The following DDX3Y variants were observed in gnomAD, a reference collection of about 807,000 sequenced individuals.
The protein encoded by DDX3Y is DEAD-box helicase 3 Y-linked.
A neutral mutation model predicts 15.1 loss-of-function variants in DDX3Y; 2 were observed. The observed-to-expected ratio is 0.13, with a 90% confidence interval of 0.05 to 0.42. DDX3Y has a LOEUF of 0.42. DDX3Y is among the 10% of genes least tolerant of loss of function. DDX3Y has a pLI of 0.99. For synonymous variants in DDX3Y, 47 were observed against 45.0 expected (o/e 1.04, Z -0.18); for missense variants, 81 against 149.9 (o/e 0.54, Z 2.40).
At chrY:12,906,389 C>T in intron 1 of DDX3Y, among the ~76,000 whole-genome samples, 1 of 33,565 alleles carries the variant, frequency 3.0e-5, no homozygotes, top group African/African-American at 1.2e-4. Flanking sequence ...GTATTAACGC[C>T]TGCAGTTTAC....
intron 1 of DDX3Y, chrY:12,905,892 T>C (rs13304841): frequency 1.2e-5 from 2 of 163,826 alleles, no homozygotes; most frequent in Non-Finnish European, 2.1e-5. Context: ...AGCTGTGCGG[T>C]TTTTATATGG....
intron 2 of DDX3Y, among the ~76,000 whole-genome samples, chrY:12,908,513 G>C (rs774590651): frequency 2.9e-5 from 1 of 34,189 alleles, no homozygotes; most frequent in African/African-American, 1.1e-4. Flanking sequence ...TTGGATTTTT[G>C]AGTTACAAAA....
intron 3 of DDX3Y, among the ~76,000 whole-genome samples, chrY:12,911,066 C>G: frequency 3.1e-5 from 1 of 31,907 alleles, no homozygotes; most frequent in African/African-American, 1.2e-4. Flanking sequence ...GTGCCCGCCA[C>G]CATGCCCAGC....
At position 12,907,613 on chromosome Y, in the gene DDX3Y, A is replaced by T; in HGVS notation, c.103+19A>T. The T allele has an allele frequency of 3.1e-6, 1 of 327,374 alleles. No homozygotes were observed. Among genetic ancestry groups the T allele is most frequent in the Non-Finnish European group, 4.4e-6 (1 of 229,441 alleles). The allele number at this position is 327,374 out of a possible 400,897, so 81.7% of individuals were successfully genotyped here. A position where few individuals can be genotyped will look rare whatever the true frequency, so the allele number is the denominator to read the frequency against. On this transcript the variant is annotated intron_variant, in intron 2 of 16. Coordinates refer to ENST00000336079, the MANE Select transcript of DDX3Y (RefSeq NM_004660.5). ...GCGAGCAGTAAGTAAAACTTTTTTT[A>T]AAAATGGAGTGTTTATCAGAGCTTA...
chrY:12,914,526 TA>T, intron 7 of DDX3Y, 37 bp from the exon 8 acceptor site: 1 of 310,206 alleles, frequency 3.2e-6, no homozygotes, highest in Non-Finnish European at 4.9e-6. Context: ...TGTCATCTGT[TA>T]ATATTCAGAA....
intron 2 of DDX3Y, 32 bp downstream of exon 2, chrY:12,907,626 T>C: frequency 7.7e-6 from 2 of 260,865 alleles, no homozygotes; most frequent in Non-Finnish European, 1.2e-5. Flanking sequence ...AATGGAGTGT[T>C]TATCAGAGCT....
intron 1 of DDX3Y, among the ~76,000 whole-genome samples, 161 bp downstream of exon 1, chrY:12,905,142 A>G: frequency 2.9e-5 from 1 of 34,042 alleles, no homozygotes; most frequent in Non-Finnish European, 7.3e-5. Flanking sequence ...GCATGAGACC[A>G]TGACAAGACC....
chrY:12,918,738 C>T lies in DDX3Y; in HGVS notation c.*616C>T. 1 of 33,441 alleles carries T rather than the reference C, an allele frequency of 3.0e-5. No homozygotes were observed. The highest frequency in any genetic ancestry group is 7.4e-5 in the Non-Finnish European group (1 of 13,564). 8.3% of individuals were successfully genotyped at this position (33,441 alleles called of 400,897 possible). On this transcript the variant is annotated 3_prime_UTR_variant, in exon 17 of 17. Coordinates refer to ENST00000336079, the MANE Select transcript of DDX3Y (RefSeq NM_004660.5). ...TTACTAAATTAAGTTCTGACTTGCT[C>T]ACTCTATCCTGGATAGGCACTTGGG...
At chrY:12,908,287 G>A in intron 2 of DDX3Y, among the ~76,000 whole-genome samples, 1 of 33,970 alleles carries the variant, frequency 2.9e-5, no homozygotes, top group Non-Finnish European at 7.3e-5. Flanking sequence ...AAGGCTGGTG[G>A]TTATTCAGTA....
Position 12,904,927 on chromosome Y carries a change from C to T in DDX3Y, c.-10C>T. 2.5e-6 allele frequency: 1 copy of T among 398,886 alleles called. No individual in the cohort carries two copies. The highest frequency in any genetic ancestry group is 5.9e-4 in the Middle Eastern group (1 of 1,697). Reference sequence around the variant, plus strand: ...CAGTGGACTACCCGATTTTTCGCTTCTCTTCAGGGATGAGTCATGTGGTGG... The same window carrying T: ...CAGTGGACTACCCGATTTTTCGCTTTTCTTCAGGGATGAGTCATGTGGTGG... On this transcript the variant is annotated 5_prime_UTR_variant, in exon 1 of 17. Transcript: ENST00000336079.
chrY:12,916,501 G>A lies in DDX3Y; in HGVS notation c.1492-16G>A. 2.6e-6 allele frequency: 1 copy of A among 390,617 alleles called. No individual in the cohort carries two copies. The highest frequency in any genetic ancestry group is 3.1e-5 in the South Asian group (1 of 32,494). On this transcript the variant is annotated splice_polypyrimidine_tract_variant and intron_variant, in intron 13 of 16. Transcript: ENST00000336079. ...TGGATAGTGCTTTTTTTTTTTAAAA[G>A]AAGTTAATTTTTCAGGTGGCAGCAC... is the stretch of plus-strand genomic sequence containing the variant.
Position 12,915,715 on chromosome Y carries a change from C to G in DDX3Y, c.1105C>G (p.Pro369Ala). The change falls in exon 11 of 17, where the codon CCA (proline) becomes GCA (alanine). Residue 369 changes from proline (P) to alanine (A), a missense_variant. Transcript: ENST00000336079. ...IRRIVEQDTM[P>A]PKGVRHTMMF... The stretch of plus-strand genomic sequence containing the variant: ...TCGTATAGTTGAACAAGATACTATG[C>G]CACCAAAGGGCGTTCGTCACACCAT... The G allele has an allele frequency of 2.5e-6, 1 of 398,242 alleles. No individual in the cohort carries two copies. The highest frequency in any genetic ancestry group is 3.5e-6 in the Non-Finnish European group (1 of 283,115).
chrY:12,916,824 C>G (rs2053649732), intron 14 of DDX3Y, 83 bp from the exon 15 acceptor site: 19 of 266,239 alleles, frequency 7.1e-5, no homozygotes, highest in Non-Finnish European at 1.0e-4. Flanking sequence ...ATTTTAGTTT[C>G]TTTCTTACTA....
chrY:12,917,438 A>G lies in DDX3Y; in HGVS notation c.1799A>G (p.Tyr600Cys). 2.5e-6 allele frequency: 1 copy of G among 398,806 alleles called. No individual in the cohort carries two copies. The highest frequency in any genetic ancestry group is 3.5e-6 in the Non-Finnish European group (1 of 283,414). Residue 600 changes from tyrosine to cysteine, a missense_variant, in exon 16 of 17, where the codon TAT becomes TGT. By Grantham distance (194) the Tyr-to-Cys change is radical. Coordinates refer to ENST00000336079, the MANE Select transcript of DDX3Y (RefSeq NM_004660.5). ...AGTGGAGGATTTGGTGCCAGAGACT[A>G]TCGACAAAGTAGTGGTTCCAGCAGT... ...RFSGGFGARD[Y>C]RQSSGSSSSG...
chrY:12,918,279 A>G lies in DDX3Y; in HGVS notation c.*157A>G. On this transcript the variant is annotated 3_prime_UTR_variant, in exon 17 of 17. Coordinates refer to ENST00000336079, the MANE Select transcript of DDX3Y (RefSeq NM_004660.5). ...GGAGCTCAAAGTCACAAGAAGAAAA[A>G]TGAAAGGAAAAAACAGCAGCCCTAT... 8.7e-6 allele frequency: 1 copy of G among 115,574 alleles called. No individual in the cohort carries two copies. The highest frequency in any genetic ancestry group is 1.6e-5 in the Non-Finnish European group (1 of 61,838). The allele number at this position is 115,574 out of a possible 400,897, so 28.8% of individuals were successfully genotyped here. A position where few individuals can be genotyped will look rare whatever the true frequency, so the allele number is the denominator to read the frequency against.
chrY:12,906,876 T>TA (rs2053613653), intron 1 of DDX3Y, among the ~76,000 whole-genome samples: 1 of 32,290 alleles, frequency 3.1e-5, no homozygotes, highest in Non-Finnish European at 7.5e-5. Context: ...TTTAGAAACA[T>TA]TAAATACGAG....
chrY:12,905,911 C>T, intron 1 of DDX3Y: 1 of 126,535 alleles, frequency 7.9e-6, no homozygotes, highest in Non-Finnish European at 1.5e-5. Flanking sequence ...GGTATTGTAT[C>T]TTTACTTTAG....
At position 12,915,058 on chromosome Y, in the gene DDX3Y, T is replaced by G. The variant is rs760819163; in HGVS notation, c.859-9T>G. On this transcript the variant is annotated splice_polypyrimidine_tract_variant and intron_variant, in intron 9 of 16. Transcript: ENST00000336079. ...TTGTTATAGTCACTGACATGTTCTT[T>G]GCTTAAAGTTTTCCTACCGATCTAG... 7.5e-6 allele frequency: 3 copies of G among 398,654 alleles called. No individual in the cohort carries two copies. In the South Asian group the frequency reaches 8.9e-5, roughly 12 times the overall value.
At position 12,914,732 on chromosome Y, in the gene DDX3Y, T is replaced by TA. The variant is rs2053640652; in HGVS notation, c.759+84dup. 6.0e-5 allele frequency: 16 copies of TA among 266,309 alleles called. No homozygotes were observed. In the South Asian group the frequency reaches 6.5e-4, roughly 11 times the overall value. 66.4% of individuals were successfully genotyped at this position (266,309 alleles called of 400,897 possible). ...GTTGACTTTTCTAACGGATGCCAGA[T>TA]ACACCTTATTTTCATTTTTTTTTTT... On this transcript the variant is annotated intron_variant, in intron 8 of 16. Coordinates refer to ENST00000336079, the MANE Select transcript of DDX3Y (RefSeq NM_004660.5).
Sources: gnomAD v4.1 joint callset for allele counts (sites outside exome capture counted in the v4.1 genomes callset) on GRCh38, gnomAD v4.1.1 for gene constraint, MANE v1.5 for transcripts, NCBI Gene and HGNC (gene_info 2026-07-23, HGNC 2026-07-21) for gene names.